The following WDR55 variants were observed in gnomAD, a reference collection of about 807,000 sequenced individuals.
WDR55 encodes the protein WD repeat-containing protein 55.
Under a neutral mutation model 34.0 loss-of-function variants are expected in WDR55, and 31 were observed. The observed-to-expected ratio is 0.91, with a 90% CI of 0.69 to 1.23. WDR55 has a LOEUF of 1.23. Ranked by LOEUF, WDR55 falls within the 50% of genes most tolerant of loss-of-function variation. The probability of loss-of-function intolerance (pLI) is 0.00; values close to 1 mark genes in which losing one functional copy is unlikely to be tolerated. For synonymous variants in WDR55, 164 were observed against 185.9 expected (o/e 0.88, Z 0.96); for missense variants, 440 against 494.6 (o/e 0.89, Z 1.05).
At position 140,671,805 on chromosome 5, in the gene WDR55, A is replaced by AGGT; in HGVS notation, c.*2156_*2158dup. On this transcript the variant is annotated 3_prime_UTR_variant, in exon 7 of 7. Coordinates refer to ENST00000358337, the MANE Select transcript of WDR55 (RefSeq NM_017706.5). ...GTCTAAACCCTGGGCCCAAGCCTCC[A>AGGT]GGTGGTGAGCCCTTTGGAGCTACAC... The AGGT allele has an allele frequency of 6.5e-7, 1 of 1,538,842 alleles. No homozygotes were observed. Among genetic ancestry groups the AGGT allele is most frequent in the Non-Finnish European group, 8.8e-7 (1 of 1,135,754 alleles).
In WDR55 at chr5:140,671,643, G is replaced by T; in HGVS notation, c.*1989G>T. On this transcript the variant is annotated 3_prime_UTR_variant, in exon 7 of 7. Coordinates refer to ENST00000358337, the MANE Select transcript of WDR55 (RefSeq NM_017706.5). ...GCCAAAGCCAACTGGCTGCCCTCTG[G>T]CTGTGGGGACCGCAAGAAGGGACCC... is the stretch of plus-strand genomic sequence containing the variant. 1 of 1,578,878 alleles carries T rather than the reference G, an allele frequency of 6.3e-7. No individual in the cohort carries two copies.
Position 140,671,395 on chromosome 5 carries a change from G to A in WDR55, c.*1741G>A. ...GCAGCCGTACAGACACAGCATCCTT[G>A]GCCACCTCATGCCCATCCCGGCCAT... On this transcript the variant is annotated 3_prime_UTR_variant, in exon 7 of 7. Transcript: ENST00000358337. The A allele has an allele frequency of 6.2e-7, 1 of 1,612,520 alleles. No individual in the cohort carries two copies. The highest frequency in any genetic ancestry group is 1.1e-5 in the South Asian group (1 of 91,040).
At chr5:140,666,705 G>C (rs1174253297) in intron 1 of WDR55, 8 of 984,974 alleles carry the variant, frequency 8.1e-6, no homozygotes, top group Non-Finnish European at 7.2e-6. Context: ...CATTATATAT[G>C]ATGCTCTGTG....
At position 140,671,187 on chromosome 5, in the gene WDR55, C is replaced by T. The variant is rs915542927; in HGVS notation, c.*1533C>T. The T allele has an allele frequency of 1.5e-5, 22 of 1,450,848 alleles. No homozygotes were observed. Among genetic ancestry groups the T allele is most frequent in the Admixed American group, 3.4e-5 (2 of 58,084 alleles). The allele number at this position is 1,450,848 out of a possible 1,614,324, so 89.9% of individuals were successfully genotyped here. ...AGGCTGATGGGCCTGGGCCCATGCC[C>T]CTCCCCACCTTTGGGGGTCAGAAAG... On this transcript the variant is annotated 3_prime_UTR_variant, in exon 7 of 7. Coordinates refer to ENST00000358337, the MANE Select transcript of WDR55 (RefSeq NM_017706.5).
intron 1 of WDR55, chr5:140,666,937 T>C: frequency 1.0e-6 from 1 of 985,442 alleles, no homozygotes; most frequent in Non-Finnish European, 1.2e-6. Context: ...AGTGGAAAAG[T>C]TGAAGATGTT....
Position 140,669,879 on chromosome 5 carries a change from C to T in WDR55, c.*225C>T. On this transcript the variant is annotated 3_prime_UTR_variant, in exon 7 of 7. Coordinates refer to ENST00000358337, the MANE Select transcript of WDR55 (RefSeq NM_017706.5). ...GAGCAGCTGGGACTACAGGTGTGCA[C>T]TACCACACCAGGCCAATTTTTGTTT... The T allele has an allele frequency of 2.0e-6, 1 of 511,566 alleles. No individual in the cohort carries two copies. Among genetic ancestry groups the T allele is most frequent in the Non-Finnish European group, 3.4e-6 (1 of 290,672 alleles). The allele number at this position is 511,566 out of a possible 1,614,324, so 31.7% of individuals were successfully genotyped here. A position where few individuals can be genotyped will look rare whatever the true frequency, so the allele number is the denominator to read the frequency against.
In WDR55 at chr5:140,668,404, C is replaced by T. The variant is rs1454727448; in HGVS notation, c.293-11C>T. ...GTGAGCAGCACCATGACCTGGGCACCTTTTCCCCAGAGCTCATTACTGTCT... is the reference window on the plus strand; with the variant it reads ...GTGAGCAGCACCATGACCTGGGCACTTTTTCCCCAGAGCTCATTACTGTCT... On this transcript the variant is annotated splice_polypyrimidine_tract_variant and intron_variant, in intron 2 of 6. Transcript: ENST00000358337. 8 of 1,614,078 alleles carry T rather than the reference C, an allele frequency of 5.0e-6. No individual in the cohort carries two copies. Among genetic ancestry groups the T allele is most frequent in the Non-Finnish European group, 6.8e-6 (8 of 1,180,054 alleles).
chr5:140,665,524 A>AT (rs560150997), intron 1 of WDR55, among the ~76,000 whole-genome samples: 22 of 151,660 alleles, frequency 1.5e-4, no homozygotes, highest in Admixed American at 5.2e-4. Context: ...CGCCCGGCTA[A>AT]TTTTTTTTGT....
intron 1 of WDR55, chr5:140,667,499 C>T (rs1057409878): frequency 6.6e-6 from 1 of 152,298 alleles, no homozygotes; most frequent in Admixed American, 6.5e-5. Context: ...ATGTCACCAC[C>T]TTAGCTTTCC....
In WDR55 at chr5:140,669,553, A is replaced by G. The variant is rs745420227; in HGVS notation, c.1051A>G (p.Lys351Glu). The change falls in exon 7 of 7, where the codon AAG becomes GAG. Residue 351 changes from lysine (K) to glutamate (E), a missense_variant. By Grantham distance (56) the Lys-to-Glu change is moderately conservative (BLOSUM62 1). Coordinates refer to ENST00000358337, the MANE Select transcript of WDR55 (RefSeq NM_017706.5). ...AGGACCACTGCGGGCTCTGAGCAGC[A>G]AGACTTGGAGCACCGATGACTTCTT... ...KGGPLRALSSKTWSTDDFFAG... is the reference protein window; with the variant it reads ...KGGPLRALSSETWSTDDFFAG... 5 of 1,614,024 alleles carry G rather than the reference A, an allele frequency of 3.1e-6. No homozygotes were observed. The highest frequency in any genetic ancestry group is 4.2e-6 in the Non-Finnish European group (5 of 1,180,012).
In WDR55 at chr5:140,668,912, C is replaced by T; in HGVS notation, c.582C>T (p.Ile194=). 1 of 1,614,242 alleles carries T rather than the reference C, an allele frequency of 6.2e-7. No homozygotes were observed. Among genetic ancestry groups the T allele is most frequent in the Non-Finnish European group, 8.5e-7 (1 of 1,180,046 alleles). ...ACAGCGGGGATGGCTGCCTTGGCAT[C>T]TTCAACATTAAGAGGCGTCGGTTTG... is the stretch of plus-strand genomic sequence containing the variant. ...LTASGDGCLG[I]FNIKRRRFEL... is the part of the protein sequence containing the mutation. Residue 194 remains isoleucine (I), a synonymous_variant, in exon 5 of 7, where the codon ATC becomes ATT. Coordinates refer to ENST00000358337, the MANE Select transcript of WDR55 (RefSeq NM_017706.5).
At chr5:140,665,128 G>C (rs749927777) in intron 1 of WDR55, 25 bp downstream of exon 1, 3 of 1,550,942 alleles carry the variant, frequency 1.9e-6, no homozygotes. Context: ...GGGCCGGGGC[G>C]CCGGGTCTGG....
In WDR55 at chr5:140,671,922, G is replaced by T; in HGVS notation, c.*2268G>T. On this transcript the variant is annotated 3_prime_UTR_variant, in exon 7 of 7. Coordinates refer to ENST00000358337, the MANE Select transcript of WDR55 (RefSeq NM_017706.5). ...CCTTCAGCCTCCATTATTTGCAAAGGGAGTATAACACACTGCTACCTTACA... is the reference window on the plus strand; with the variant it reads ...CCTTCAGCCTCCATTATTTGCAAAGTGAGTATAACACACTGCTACCTTACA... 1 of 735,226 alleles carries T rather than the reference G, an allele frequency of 1.4e-6. No homozygotes were observed. The highest frequency in any genetic ancestry group is 3.7e-4 in the Middle Eastern group (1 of 2,688). 45.5% of individuals were successfully genotyped at this position (735,226 alleles called of 1,614,324 possible). A position where few individuals can be genotyped will look rare whatever the true frequency, so the allele number is the denominator to read the frequency against.
At position 140,669,468 on chromosome 5, in the gene WDR55, G is replaced by A. The variant is rs773879668; in HGVS notation, c.966G>A (p.Trp322Ter). 6.2e-7 allele frequency: 1 copy of A among 1,614,006 alleles called. No homozygotes were observed. The highest frequency in any genetic ancestry group is 8.5e-7 in the Non-Finnish European group (1 of 1,180,014). Residue 322 changes from tryptophan (W) to a stop codon, truncating the protein, a stop_gained, in exon 7 of 7, where the codon TGG (tryptophan) becomes TGA (stop). Transcript: ENST00000358337. LOFTEE classifies it high-confidence loss of function. ...GCCATGACCAGCGCCTCAAGTTTTG[G>A]GACATGGCCCAGCTGCGAGCTGTGG... ...SSGHDQRLKF[W>*]DMAQLRAVVV...
chr5:140,666,627 G>C (rs898438050), intron 1 of WDR55: 41 of 984,870 alleles, frequency 4.2e-5, no homozygotes, highest in Non-Finnish European at 4.7e-5. Flanking sequence ...GTAATTATTT[G>C]AATGCTGTCT....
intron 1 of WDR55, chr5:140,667,233 T>A: frequency 1.1e-6 from 1 of 874,488 alleles, no homozygotes; most frequent in South Asian, 5.3e-5. Flanking sequence ...TAAAAAAGGT[T>A]CTGGAGGAAA....
rs1279431763 is a variant in WDR55, at chr5:140,669,558, T to G, written c.1056T>G (p.Thr352=). The part of the protein sequence containing the change: ...GGPLRALSSK[T]WSTDDFFAGL... ...CACTGCGGGCTCTGAGCAGCAAGAC[T>G]TGGAGCACCGATGACTTCTTCGCAG... Residue 352 remains threonine (T), a synonymous_variant, in exon 7 of 7, where the codon ACT becomes ACG. Transcript: ENST00000358337. 1 of 1,613,896 alleles carries G rather than the reference T, an allele frequency of 6.2e-7. No homozygotes were observed. Among genetic ancestry groups the G allele is most frequent in the East Asian group, 2.2e-5 (1 of 44,884 alleles).
At chr5:140,666,046 T>A (rs1424501011) in intron 1 of WDR55, among the ~76,000 whole-genome samples, 1 of 151,960 alleles carries the variant, frequency 6.6e-6, no homozygotes, top group Non-Finnish European at 1.5e-5. Flanking sequence ...AGTACAAATT[T>A]CTCAATCCTG....
chr5:140,669,922 C>T lies in WDR55; in HGVS notation c.*268C>T, dbSNP rs960376140. Reference sequence around the variant, plus strand: ...TTTTGTTTTTTTTTTTTGGTAGAAACGGGTCTGTTTTGCCCAGGCTGGTCT... The same window carrying T: ...TTTTGTTTTTTTTTTTTGGTAGAAATGGGTCTGTTTTGCCCAGGCTGGTCT... On this transcript the variant is annotated 3_prime_UTR_variant, in exon 7 of 7. Coordinates refer to ENST00000358337, the MANE Select transcript of WDR55 (RefSeq NM_017706.5). 1.1e-4 allele frequency: 38 copies of T among 359,590 alleles called. 1 individual carries two copies. In the Middle Eastern group the frequency reaches 2.3e-3, roughly 22 times the overall value. 22.3% of individuals were successfully genotyped at this position (359,590 alleles called of 1,614,324 possible).
Sources: gnomAD v4.1 joint callset for allele counts (sites outside exome capture counted in the v4.1 genomes callset) on GRCh38, gnomAD v4.1.1 for gene constraint, MANE v1.5 for transcripts, NCBI Gene and HGNC (gene_info 2026-07-23, HGNC 2026-07-21) for gene names.